The following AK2 variants were observed in gnomAD, a reference collection of about 807,000 sequenced individuals.
The protein encoded by AK2 is adenylate kinase 2, mitochondrial.
AK2 carries 15 observed loss-of-function variants against 24.6 expected under a neutral mutation model. That is an observed-to-expected ratio of 0.61 (90% CI 0.41 to 0.94). AK2 has a LOEUF of 0.94. Ranked by LOEUF, AK2 falls within the 40% of genes least tolerant of loss-of-function variation. The pLI is 0.00. For missense variants in AK2, 257 were observed against 304.1 expected, an observed-to-expected ratio of 0.85 and a Z score of 1.15; for synonymous variants, 102 against 114.0, an observed-to-expected ratio of 0.90 and a Z score of 0.67.
At position 33,012,800 on chromosome 1, in the gene AK2, G is replaced by T; in HGVS notation, c.*381C>A. Reference sequence around the variant, plus strand: ...TAGTCCCAGCTGCTCAGGAGGCTGAGGTGGGATAATTGCTTGAGCCCCAGG... The same window carrying T: ...TAGTCCCAGCTGCTCAGGAGGCTGATGTGGGATAATTGCTTGAGCCCCAGG... On this transcript the variant is annotated 3_prime_UTR_variant, in exon 6 of 6. Coordinates refer to ENST00000672715, the MANE Select transcript of AK2 (RefSeq NM_001625.4). 2 of 1,039,380 alleles carry T rather than the reference G, an allele frequency of 1.9e-6. No individual in the cohort carries two copies. Among genetic ancestry groups the T allele is most frequent in the Non-Finnish European group, 2.6e-6 (2 of 761,476 alleles). The allele number at this position is 1,039,380 out of a possible 1,614,324, so 64.4% of individuals were successfully genotyped here.
chr1:33,036,422 T>G (rs977488498), intron 1 of AK2, among the ~76,000 whole-genome samples: 1 of 152,158 alleles, frequency 6.6e-6, no homozygotes, highest in African/African-American at 2.4e-5. Flanking sequence ...TCTAGATGCC[T>G]CGGCCCAGGG....
In AK2 at chr1:33,011,547, G is replaced by A; in HGVS notation, c.*1634C>T. On this transcript the variant is annotated 3_prime_UTR_variant, in exon 6 of 6. Coordinates refer to ENST00000672715, the MANE Select transcript of AK2 (RefSeq NM_001625.4). ...TCTGGTAGTCTCACAGATGGCAGGA[G>A]AGCTCAGGTCAGGAGGCTGGGCACT... 7.8e-7 allele frequency: 1 copy of A among 1,287,658 alleles called. No individual in the cohort carries two copies. Among genetic ancestry groups the A allele is most frequent in the Non-Finnish European group, 1.0e-6 (1 of 988,998 alleles). The allele number at this position is 1,287,658 out of a possible 1,614,324, so 79.8% of individuals were successfully genotyped here.
chr1:33,019,948 C>T (rs1639426829), intron 4 of AK2: 3 of 1,416,372 alleles, frequency 2.1e-6, no homozygotes, highest in Non-Finnish European at 1.8e-6. Context: ...TCCTGAGACA[C>T]CATTAAAATG....
rs1467243421 is a variant in AK2, at chr1:33,012,445, A to G, written c.*736T>C. On this transcript the variant is annotated 3_prime_UTR_variant, in exon 6 of 6. Transcript: ENST00000672715. ...AATTCTCTGTCCATAATGTGCCATC[A>G]GGAACTGTGACCCTGCCTGACTTCA... 6.9e-7 allele frequency: 1 copy of G among 1,447,148 alleles called. No individual in the cohort carries two copies. The highest frequency in any genetic ancestry group is 2.1e-5 in the Admixed American group (1 of 48,430). 89.6% of individuals were successfully genotyped at this position (1,447,148 alleles called of 1,614,324 possible). A position where few individuals can be genotyped will look rare whatever the true frequency, so the allele number is the denominator to read the frequency against.
At chr1:33,023,483 A>T (rs963699682) in intron 2 of AK2, among the ~76,000 whole-genome samples, 9 of 152,144 alleles carry the variant, frequency 5.9e-5, no homozygotes, top group African/African-American at 2.2e-4. Flanking sequence ...GCTACTCATC[A>T]GGCCGAAGTG....
chr1:33,031,827 C>A, intron 1 of AK2: 1 of 376,832 alleles, frequency 2.7e-6, no homozygotes, highest in Non-Finnish European at 5.4e-6. Flanking sequence ...GGCAAAAAAA[C>A]CAAGAAACAT....
In AK2 at chr1:33,019,836, T is replaced by C. The variant is rs1008213873; in HGVS notation, c.425+1531A>G. On this transcript the variant is annotated intron_variant, in intron 4 of 5. Coordinates refer to ENST00000672715, the MANE Select transcript of AK2 (RefSeq NM_001625.4). ...TGGAAGAAACATAAATGTACAACAA[T>C]AAGGAAATAAGTAAACAATGGTTAA... 8 of 1,200,168 alleles carry C rather than the reference T, an allele frequency of 6.7e-6. No individual in the cohort carries two copies. In the African/African-American group the frequency reaches 7.9e-5, roughly 12 times the overall value. The allele number at this position is 1,200,168 out of a possible 1,614,324, so 74.3% of individuals were successfully genotyped here. A position where few individuals can be genotyped will look rare whatever the true frequency, so the allele number is the denominator to read the frequency against.
At chr1:33,034,487 C>CACACACACAT (rs1553154027) in intron 1 of AK2, among the ~76,000 whole-genome samples, 1 of 138,938 alleles carries the variant, frequency 7.2e-6, no homozygotes, top group African/African-American at 2.9e-5. Context: ...CACACACACA[C>CACACACACAT]ATATATCATA....
In AK2 at chr1:33,010,909, T is replaced by C. The variant is rs1361158385; in HGVS notation, c.*2272A>G. ...GTACATATCAGAGGAGGCTGGCATG[T>C]AAGCCCCAGCAACCAAATGCATTAA... On this transcript the variant is annotated 3_prime_UTR_variant, in exon 6 of 6. Transcript: ENST00000672715. 2 of 1,605,702 alleles carry C rather than the reference T, an allele frequency of 1.2e-6. No individual in the cohort carries two copies. The highest frequency in any genetic ancestry group is 1.7e-6 in the Non-Finnish European group (2 of 1,176,022).
At chr1:33,027,512 C>T (rs1218726014) in intron 1 of AK2, among the ~76,000 whole-genome samples, 4 of 152,034 alleles carry the variant, frequency 2.6e-5, no homozygotes, top group Non-Finnish European at 5.9e-5. Context: ...GAGGCTAAGG[C>T]GGGTGGATCA....
rs1262076154 is a variant in AK2, at chr1:33,012,982, A to G, written c.*199T>C. 8 of 1,578,260 alleles carry G rather than the reference A, an allele frequency of 5.1e-6. No homozygotes were observed. The highest frequency in any genetic ancestry group is 5.1e-6 in the Non-Finnish European group (6 of 1,167,602). ...AGTAGCAGAGTGAACACATATGTGC[A>G]TGCACACACACACACACACAACACA... On this transcript the variant is annotated 3_prime_UTR_variant, in exon 6 of 6. Transcript: ENST00000672715.
chr1:33,029,409 C>CTTTTTTT (rs1293934128), intron 1 of AK2: 1 of 116,074 alleles, frequency 8.6e-6, no homozygotes, highest in South Asian at 2.7e-4. Context: ...TGATGTTGAA[C>CTTTTTTT]TTTTTTTTTT....
chr1:33,019,159 T>C (rs1313128501), intron 4 of AK2, among the ~76,000 whole-genome samples: 1 of 152,162 alleles, frequency 6.6e-6, no homozygotes, highest in African/African-American at 2.4e-5. Context: ...TAGGCAGCCT[T>C]TCTTCCCTGT....
chr1:33,010,751 C>T lies in AK2; in HGVS notation c.*2430G>A. 12 of 1,614,280 alleles carry T rather than the reference C, an allele frequency of 7.4e-6. No homozygotes were observed. The highest frequency in any genetic ancestry group is 1.0e-5 in the Non-Finnish European group (12 of 1,180,050). Reference sequence around the variant, plus strand: ...CCATCCTCACCCTGACCACCCTTCCCCTCTGCCCAGCACCTAAGAGCAGGG... The same window carrying T: ...CCATCCTCACCCTGACCACCCTTCCTCTCTGCCCAGCACCTAAGAGCAGGG... On this transcript the variant is annotated 3_prime_UTR_variant, in exon 6 of 6. Transcript: ENST00000672715.
downstream of AK2, chr1:33,007,961 A>T: frequency 2.2e-6 from 1 of 451,982 alleles, no homozygotes; most frequent in South Asian, 1.6e-5. Flanking sequence ...GAGGAGAATA[A>T]ATGAGATAAT....
At chr1:33,015,439 G>A (rs1207495139) in intron 4 of AK2, among the ~76,000 whole-genome samples, 1 of 152,230 alleles carries the variant, frequency 6.6e-6, no homozygotes, top group Non-Finnish European at 1.5e-5. Context: ...AAAGGAGGCA[G>A]GCCAAGCTCT....
chr1:33,022,518 G>A (rs536792273), intron 2 of AK2, among the ~76,000 whole-genome samples: 1 of 152,024 alleles, frequency 6.6e-6, no homozygotes, highest in Non-Finnish European at 1.5e-5. Context: ...ACCATGCCCA[G>A]CTAATTTTTT....
intron 1 of AK2, among the ~76,000 whole-genome samples, chr1:33,028,817 C>T (rs1223539322): frequency 6.6e-6 from 1 of 152,186 alleles, no homozygotes; most frequent in Non-Finnish European, 1.5e-5. Flanking sequence ...TATTATCAAT[C>T]ATCTAGGGCA....
At position 33,010,858 on chromosome 1, in the gene AK2, G is replaced by C. The variant is rs1349103830; in HGVS notation, c.*2323C>G. 2.5e-6 allele frequency: 4 copies of C among 1,614,040 alleles called. No homozygotes were observed. The African/African-American group carries it at 5.3e-5, about 22-fold the overall frequency. Reference sequence around the variant, plus strand: ...GCTGAAATAGAGAGGAAACAAGAGAGAACAAAATGGGTTTTTAAAAACCAA... The same window carrying C: ...GCTGAAATAGAGAGGAAACAAGAGACAACAAAATGGGTTTTTAAAAACCAA... On this transcript the variant is annotated 3_prime_UTR_variant, in exon 6 of 6. Transcript: ENST00000672715.
Sources: allele counts gnomAD v4.1 joint callset (sites outside exome capture counted in the v4.1 genomes callset), GRCh38; gene constraint gnomAD v4.1.1; transcripts MANE v1.5; gene names NCBI Gene and HGNC (gene_info 2026-07-23, HGNC 2026-07-21).